The following CCDC192 variants were observed in gnomAD, a reference collection of about 807,000 sequenced individuals.
The protein encoded by CCDC192 is coiled-coil domain-containing protein 192.
chr5:127,708,367 G>C (rs1487192643), intron 2 of CCDC192, among the ~76,000 whole-genome samples: 1 of 152,134 alleles, frequency 6.6e-6, no homozygotes, highest in Non-Finnish European at 1.5e-5. Context: ...GCTGGAGCTA[G>C]GTGATGGGTA....
chr5:127,764,743 A>G (rs1755123018), intron 3 of CCDC192, among the ~76,000 whole-genome samples: 1 of 152,204 alleles, frequency 6.6e-6, no homozygotes, highest in Non-Finnish European at 1.5e-5. Context: ...GAGCTAAAAA[A>G]AAAAAATTCA....
intron 3 of CCDC192, among the ~76,000 whole-genome samples, chr5:127,760,186 C>T (rs1754831742): frequency 6.6e-6 from 1 of 151,268 alleles, no homozygotes; most frequent in Admixed American, 6.6e-5. Flanking sequence ...TTTCAAGACA[C>T]TTTTGAAGTG....
chr5:127,888,091 A>G (rs534629035), intron 6 of CCDC192, among the ~76,000 whole-genome samples: 1 of 152,106 alleles, frequency 6.6e-6, no homozygotes, highest in South Asian at 2.1e-4. Context: ...TTAATACCTT[A>G]TATATGTATT....
At chr5:127,891,368 T>C (rs769156104) in intron 6 of CCDC192, among the ~76,000 whole-genome samples, 24 of 152,168 alleles carry the variant, frequency 1.6e-4, no homozygotes, top group Non-Finnish European at 3.4e-4. Flanking sequence ...ATGACCTTAC[T>C]TATGACTCAT....
chr5:127,800,386 AAAAAAAAAAAAAAAAC>A (rs1222025999), intron 5 of CCDC192, among the ~76,000 whole-genome samples: 1 of 138,138 alleles, frequency 7.2e-6, no homozygotes, highest in Admixed American at 7.4e-5. Flanking sequence ...GAAAAAAAAA[AAAAAAAAAAAAAAAAC>A]AACAACAACA....
intron 5 of CCDC192, among the ~76,000 whole-genome samples, chr5:127,867,490 G>T (rs1041376144): frequency 1.3e-4 from 20 of 152,162 alleles, no homozygotes; most frequent in African/African-American, 4.8e-4. Flanking sequence ...ACAGATGTTT[G>T]CCAATGATAC....
intron 5 of CCDC192, among the ~76,000 whole-genome samples, chr5:127,810,778 T>G (rs1230687350): frequency 1.3e-5 from 2 of 152,058 alleles, no homozygotes; most frequent in African/African-American, 4.8e-5. Context: ...TAAAATCAAA[T>G]CTGACTCAGG....
At chr5:127,788,531 TAAAG>T (rs1447745493) in intron 3 of CCDC192, among the ~76,000 whole-genome samples, 2 of 152,222 alleles carry the variant, frequency 1.3e-5, no homozygotes, top group Non-Finnish European at 1.5e-5. Flanking sequence ...TTACTAATAA[TAAAG>T]AACATACTTC....
rs1025052285 is a variant in CCDC192 at position 127,784,611 on chromosome 5, G to A, written c.223-12492G>A. On this transcript the variant is annotated intron_variant, in intron 3 of 6. Coordinates refer to ENST00000514853, the MANE Select transcript of CCDC192 (RefSeq NM_001317938.2). ...GACACACAGTCAGACCCTTCCTGGA[G>A]GGTTAAGCCAAGTAACTGTAGGTGT... The A allele has an allele frequency of 1.4e-5, 9 of 623,254 alleles. No homozygotes were observed. In the African/African-American group the frequency reaches 1.7e-4, roughly 12 times the overall value. The allele number at this position is 623,254 out of a possible 1,614,324, so 38.6% of individuals were successfully genotyped here. A position where few individuals can be genotyped will look rare whatever the true frequency, so the allele number is the denominator to read the frequency against.
chr5:127,768,563 T>G, intron 3 of CCDC192, among the ~76,000 whole-genome samples: 1 of 152,202 alleles, frequency 6.6e-6, no homozygotes, highest in East Asian at 1.9e-4. Context: ...TAATAAATTT[T>G]TGTTGTTTAA....
At chr5:127,740,698 G>C (rs1753363534) in intron 2 of CCDC192, among the ~76,000 whole-genome samples, 1 of 151,972 alleles carries the variant, frequency 6.6e-6, no homozygotes, top group Non-Finnish European at 1.5e-5. Flanking sequence ...TAAAACATTT[G>C]CTATTAATTT....
At chr5:127,845,342 G>A (rs186580244) in intron 5 of CCDC192, among the ~76,000 whole-genome samples, 4 of 152,208 alleles carry the variant, frequency 2.6e-5, no homozygotes, top group African/African-American at 2.4e-5. Flanking sequence ...GAGCTTGAGG[G>A]GCATGTGCAC....
intron 2 of CCDC192, among the ~76,000 whole-genome samples, chr5:127,717,135 T>A (rs1650888779): frequency 6.6e-6 from 1 of 152,178 alleles, no homozygotes. Context: ...TTAATATATA[T>A]AAGAAATTAA....
chr5:127,723,271 A>T (rs1752128160), intron 2 of CCDC192, among the ~76,000 whole-genome samples: 2 of 152,310 alleles, frequency 1.3e-5, no homozygotes, highest in South Asian at 4.1e-4. Context: ...TGCTGTTGGC[A>T]TACAGAAATG....
At chr5:127,704,920 C>G (rs1067705) in intron 1 of CCDC192, among the ~76,000 whole-genome samples, 1 of 151,334 alleles carries the variant, frequency 6.6e-6, no homozygotes, top group Non-Finnish European at 1.5e-5. Flanking sequence ...GTGACTAGTC[C>G]TCCAATTTGA....
At chr5:127,733,976 G>T (rs998259920) in intron 2 of CCDC192, among the ~76,000 whole-genome samples, 3 of 149,906 alleles carry the variant, frequency 2.0e-5, no homozygotes, top group African/African-American at 7.4e-5. Context: ...TGCACATTGT[G>T]CAGGTTAGTT....
At chr5:127,903,148 C>T (rs952906232) in intron 6 of CCDC192, among the ~76,000 whole-genome samples, 2 of 152,130 alleles carry the variant, frequency 1.3e-5, no homozygotes, top group African/African-American at 4.8e-5. Flanking sequence ...CAGCTCCACA[C>T]TTGCAGGGTA....
intron 6 of CCDC192, among the ~76,000 whole-genome samples, chr5:127,917,912 G>A (rs1436693379): frequency 6.6e-6 from 1 of 152,120 alleles, no homozygotes; most frequent in East Asian, 1.9e-4. Context: ...GGCTTAGGCG[G>A]GTGGGTCACT....
chr5:127,837,528 G>A (rs1174433435), intron 5 of CCDC192, among the ~76,000 whole-genome samples: 1 of 18,958 alleles, frequency 5.3e-5, no homozygotes, highest in African/African-American at 1.5e-4. Flanking sequence ...CAACACCTGG[G>A]GATTATGATT....
Sources: gnomAD v4.1 joint callset for allele counts (sites outside exome capture counted in the v4.1 genomes callset) on GRCh38, gnomAD v4.1.1 for gene constraint, MANE v1.5 for transcripts, NCBI Gene and HGNC (gene_info 2026-07-23, HGNC 2026-07-21) for gene names.